The following CEP162 variants were observed in gnomAD, a reference collection of about 807,000 sequenced individuals.
The protein encoded by CEP162 is centrosomal protein of 162 kDa.
A neutral mutation model predicts 169.2 loss-of-function variants in CEP162; 141 were observed. The observed-to-expected ratio is 0.83, with a 90% CI of 0.73 to 0.96. The LOEUF is 0.96. Among genes scored for constraint, CEP162 ranks in the 40% least tolerant of loss-of-function variants. The pLI is 0.00. For synonymous variants in CEP162, 540 were observed against 526.4 expected (o/e 1.03, Z -0.35); for missense variants, 1,600 against 1,587.2 (o/e 1.01, Z -0.14).
intron 13 of CEP162, among the ~76,000 whole-genome samples, chr6:84,181,890 G>T (rs1217556412): frequency 6.6e-6 from 1 of 152,040 alleles, no homozygotes; most frequent in Non-Finnish European, 1.5e-5. Flanking sequence ...GAATCGATTG[G>T]TAATGTCTAA....
chr6:84,148,735 A>C (rs532309680), intron 24 of CEP162, among the ~76,000 whole-genome samples: 1 of 152,240 alleles, frequency 6.6e-6, no homozygotes, highest in African/African-American at 2.4e-5. Flanking sequence ...TTTCTCCCTG[A>C]CCTTCTTTCT....
At chr6:84,153,973 A>G (rs1352585889) in intron 22 of CEP162, among the ~76,000 whole-genome samples, 1 of 152,154 alleles carries the variant, frequency 6.6e-6, no homozygotes, top group Non-Finnish European at 1.5e-5. Context: ...GCACAGAGAT[A>G]GCACATTTAT....
At chr6:84,157,731 C>G (rs913347007) in intron 21 of CEP162, among the ~76,000 whole-genome samples, 1 of 152,062 alleles carries the variant, frequency 6.6e-6, no homozygotes, top group African/African-American at 2.4e-5. Context: ...GAGTACAAAG[C>G]TCTCTCCTCT....
rs184479442 is a variant in CEP162 at position 84,222,722 on chromosome 6, T to C, written c.58-1551A>G. 1.2e-4 allele frequency among the ~76,000 whole-genome samples: 19 copies of C among 152,340 alleles called. No individual in the cohort carries two copies. In the East Asian group the frequency reaches 3.1e-3, roughly 25 times the overall value. ...TGTAGTTCCCCAACTAGAATATTGT[T>C]ATCTGAGTGACCTTTTAAACTTCTA... On this transcript the variant is annotated intron_variant, in intron 2 of 26. Coordinates refer to ENST00000403245, the MANE Select transcript of CEP162 (RefSeq NM_014895.4).
intron 25 of CEP162, among the ~76,000 whole-genome samples, chr6:84,139,980 C>T (rs2099515872): frequency 9.5e-6 from 1 of 104,866 alleles, no homozygotes; most frequent in African/African-American, 1.2e-4. Context: ...TTTAGACAAA[C>T]TTTGCTGTGG....
intron 1 of CEP162, among the ~76,000 whole-genome samples, chr6:84,226,729 T>C (rs1302460806): frequency 6.6e-6 from 1 of 152,250 alleles, no homozygotes; most frequent in African/African-American, 2.4e-5. Flanking sequence ...AACCTATGTT[T>C]GTGTGCATGT....
chr6:84,171,782 T>C, intron 16 of CEP162, 64 bp from the exon 17 acceptor site: 1 of 625,302 alleles, frequency 1.6e-6, no homozygotes, highest in Non-Finnish European at 2.6e-6. Context: ...ACATAATATA[T>C]GTGCTCATAA....
Position 84,194,562 on chromosome 6 carries a change from T to C in CEP162, c.1027+322A>G, listed in dbSNP as rs1242209911. Reference sequence around the variant, plus strand: ...TTCGTCTCCCGTGTTCAAGTGATTCTCCTGCCTCAGGCTCCCGAGTAGCTG... The same window carrying C: ...TTCGTCTCCCGTGTTCAAGTGATTCCCCTGCCTCAGGCTCCCGAGTAGCTG... On this transcript the variant is annotated intron_variant, in intron 10 of 26. Coordinates refer to ENST00000403245, the MANE Select transcript of CEP162 (RefSeq NM_014895.4). Among the ~76,000 whole-genome samples, 4 of 152,010 alleles carry C rather than the reference T, an allele frequency of 2.6e-5. No individual in the cohort carries two copies. In the East Asian group the frequency reaches 7.8e-4, roughly 30 times the overall value.
intron 21 of CEP162, 195 bp from the exon 22 acceptor site, chr6:84,155,705 A>G: frequency 3.7e-6 from 2 of 538,362 alleles, no homozygotes; most frequent in Non-Finnish European, 6.6e-6. Context: ...TGCCAGGAGA[A>G]CTACAAACAC....
At position 84,185,221 on chromosome 6, in the gene CEP162, T is replaced by A. The variant is rs759403015; in HGVS notation, c.1629A>T (p.Arg543Ser). ...TAGGTTGATTGGAGGTAGAAATCGA[T>A]CTCAAGTTTTTGCTTTTTATAATGT... ...SEDIIKSKNLRSISTSNQPRK... is the reference protein window; with the variant it reads ...SEDIIKSKNLSSISTSNQPRK... The change falls in exon 13 of 27, where the codon AGA (arginine) becomes AGT (serine). Residue 543 changes from arginine (R) to serine (S), a missense_variant. Physicochemically the swap from Arg to Ser is moderately radical, Grantham distance 110 (BLOSUM62 -1). Coordinates refer to ENST00000403245, the MANE Select transcript of CEP162 (RefSeq NM_014895.4). 13 of 1,612,674 alleles carry A rather than the reference T, an allele frequency of 8.1e-6. No individual in the cohort carries two copies. In the Admixed American group the frequency reaches 1.7e-4, roughly 21 times the overall value.
intron 26 of CEP162, among the ~76,000 whole-genome samples, chr6:84,125,739 G>C (rs921073972): frequency 6.6e-6 from 1 of 152,102 alleles, no homozygotes; most frequent in African/African-American, 2.4e-5. Context: ...GCTGGAAAGA[G>C]AGCCCTCACC....
rs117461636 is a variant in CEP162 at position 84,188,027 on chromosome 6, T to A, written c.1110-1404A>T. On this transcript the variant is annotated intron_variant, in intron 11 of 26. Transcript: ENST00000403245. ...ATGAAAAAGCAAGATTTCAAGAGACTTCTTGGTTGAAAAGAGTGACCCAGT... is the reference window on the plus strand; with the variant it reads ...ATGAAAAAGCAAGATTTCAAGAGACATCTTGGTTGAAAAGAGTGACCCAGT... Among the ~76,000 whole-genome samples, 160 of 152,036 alleles carry A rather than the reference T, an allele frequency of 1.1e-3. 2 individuals are homozygous for A. The East Asian group carries it at 0.03, about 28-fold the overall frequency.
At chr6:84,143,219 T>G (rs1193948548) in intron 25 of CEP162, among the ~76,000 whole-genome samples, 1 of 152,076 alleles carries the variant, frequency 6.6e-6, no homozygotes, top group East Asian at 1.9e-4. Context: ...CTACCTTGGC[T>G]TCTTAAATTT....
intron 26 of CEP162, among the ~76,000 whole-genome samples, chr6:84,125,685 AG>A (rs560122893): frequency 1.7e-3 from 261 of 152,208 alleles, no homozygotes; most frequent in Middle Eastern, 6.8e-3. Flanking sequence ...CATGGTACTG[AG>A]GAAAGATCAT....
At chr6:84,219,122 G>T in intron 3 of CEP162, 1 of 1,209,078 alleles carries the variant, frequency 8.3e-7, no homozygotes, top group Non-Finnish European at 1.1e-6. Context: ...GATTAATAAT[G>T]CATTCCTCTT....
intron 11 of CEP162, among the ~76,000 whole-genome samples, chr6:84,190,896 T>G (rs544841257): frequency 1.3e-5 from 2 of 152,330 alleles, no homozygotes; most frequent in African/African-American, 4.8e-5. Flanking sequence ...TTGGCCAGGA[T>G]GGTCTCGATC....
At position 84,186,404 on chromosome 6, in the gene CEP162, C is replaced by CAT; in HGVS notation, c.1327_1328dup (p.Met443IlefsTer7). On this transcript the variant is annotated frameshift_variant, in exon 12 of 27. Coordinates refer to ENST00000403245, the MANE Select transcript of CEP162 (RefSeq NM_014895.4). LOFTEE classifies it high-confidence loss of function. Reference sequence around the variant, plus strand: ...TTTTTTTCCTCAAAATATTAAGGTACATTTTATCAACATGTTCTTCTGTGG... The same window carrying CAT: ...TTTTTTTCCTCAAAATATTAAGGTACATATTTTATCAACATGTTCTTCTGTGG... The CAT allele has an allele frequency of 6.4e-7, 1 of 1,567,812 alleles. No homozygotes were observed. The highest frequency in any genetic ancestry group is 8.8e-7 in the Non-Finnish European group (1 of 1,137,998).
At position 84,125,408 on chromosome 6, in the gene CEP162, G is replaced by A. The variant is rs1588679637; in HGVS notation, c.4006-132C>T. ...GTAAATCATAATGCTCTGCGTGGAT[G>A]CAACATTTTCTGTCTTCAAGGAGTA... On this transcript the variant is annotated intron_variant, in intron 26 of 26. Coordinates refer to ENST00000403245, the MANE Select transcript of CEP162 (RefSeq NM_014895.4). 44 of 718,288 alleles carry A rather than the reference G, an allele frequency of 6.1e-5. 1 individual carries two copies. In the East Asian group the frequency reaches 1.2e-3, roughly 19 times the overall value. The allele number at this position is 718,288 out of a possible 1,614,324, so 44.5% of individuals were successfully genotyped here.
At position 84,190,808 on chromosome 6, in the gene CEP162, A is replaced by G. The variant is rs146929976; in HGVS notation, c.1109+2801T>C. Reference sequence around the variant, plus strand: ...GTGAGACCAAGAACCCACCAATTCCAGACACACTGGGACTACAGGCATGCG... The same window carrying G: ...GTGAGACCAAGAACCCACCAATTCCGGACACACTGGGACTACAGGCATGCG... On this transcript the variant is annotated intron_variant, in intron 11 of 26. Coordinates refer to ENST00000403245, the MANE Select transcript of CEP162 (RefSeq NM_014895.4). Among the ~76,000 whole-genome samples the G allele has an allele frequency of 3.4e-3, 522 of 152,306 alleles. 3 individuals carry two copies. The highest frequency in any genetic ancestry group is 0.012 in the African/African-American group (481 of 41,578).
Sources: allele counts gnomAD v4.1 joint callset (sites outside exome capture counted in the v4.1 genomes callset), GRCh38; gene constraint gnomAD v4.1.1; transcripts MANE v1.5; gene names NCBI Gene and HGNC (gene_info 2026-07-23, HGNC 2026-07-21).